Variants in UGT1A10 observed in about 807,000 individuals in gnomAD.
UGT1A10 encodes the protein UDP glucuronosyltransferase family 1 member A10.
UGT1A10 carries 49 observed loss-of-function variants against 45.8 expected under a neutral mutation model. The ratio of observed to expected loss-of-function variants is 1.07; its 90% CI spans 0.85 to 1.36. The LOEUF is 1.36. Among genes scored for constraint, UGT1A10 ranks in the 40% most tolerant of loss-of-function variants. The pLI is 0.00. For missense variants in UGT1A10, 745 were observed against 668.6 expected, an observed-to-expected ratio of 1.11 and a Z score of -1.26; for synonymous variants, 284 against 249.7, an observed-to-expected ratio of 1.14 and a Z score of -1.29.
intron 1 of UGT1A10, among the ~76,000 whole-genome samples, chr2:233,737,380 C>T (rs1472756282): frequency 6.6e-6 from 1 of 152,238 alleles, no homozygotes; most frequent in Non-Finnish European, 1.5e-5. Context: ...GGGAGAGAAT[C>T]TCCTTGTCTG....
intron 1 of UGT1A10, among the ~76,000 whole-genome samples, chr2:233,722,899 G>A (rs1015320069): frequency 7.8e-6 from 1 of 128,092 alleles, no homozygotes; most frequent in Non-Finnish European, 1.7e-5. Flanking sequence ...AGTGGAAGTG[G>A]ATCATCATAA....
chr2:233,639,789 G>A (rs139789935), intron 1 of UGT1A10, among the ~76,000 whole-genome samples: 5 of 152,258 alleles, frequency 3.3e-5, no homozygotes, highest in African/African-American at 1.2e-4. Flanking sequence ...GATTTGGAGG[G>A]GACAAACTTT....
intron 1 of UGT1A10, chr2:233,719,135 T>A (rs1671719594): frequency 2.5e-6 from 4 of 1,614,272 alleles, no homozygotes; most frequent in Non-Finnish European, 3.4e-6. Context: ...AAACAGAACA[T>A]CTTCTGAAGA....
At chr2:233,745,905 G>A (rs1693243700) in intron 1 of UGT1A10, among the ~76,000 whole-genome samples, 1 of 151,554 alleles carries the variant, frequency 6.6e-6, no homozygotes, top group Non-Finnish European at 1.5e-5. Context: ...TTTTCAGGGA[G>A]CAGCTGAGGC....
At position 233,713,984 on chromosome 2, in the gene UGT1A10, G is replaced by T. The variant is rs562772168; in HGVS notation, c.856-53050G>T. 6.3e-4 allele frequency: 992 copies of T among 1,585,892 alleles called. 2 individuals are homozygous for T. Among genetic ancestry groups the T allele is most frequent in the Non-Finnish European group, 8.0e-4 (939 of 1,166,642 alleles). ...GATTTCATTTCTGCTTCTCATTGTT[G>T]TAATAGTCTTCAGTGAGATAAACTT... On this transcript the variant is annotated intron_variant, in intron 1 of 4. Transcript: ENST00000344644.
chr2:233,657,879 A>G (rs2073890400), intron 1 of UGT1A10, among the ~76,000 whole-genome samples: 1 of 152,118 alleles, frequency 6.6e-6, no homozygotes, highest in Non-Finnish European at 1.5e-5. Context: ...AAAGTTATTT[A>G]TATATTCTGG....
At chr2:233,675,149 T>G (rs565544534) in intron 1 of UGT1A10, among the ~76,000 whole-genome samples, 1 of 152,224 alleles carries the variant, frequency 6.6e-6, no homozygotes, top group Non-Finnish European at 1.5e-5. Context: ...TCCAGGGGAA[T>G]TACATCCAGG....
intron 1 of UGT1A10, among the ~76,000 whole-genome samples, chr2:233,748,293 A>G (rs1052851237): frequency 6.6e-6 from 1 of 151,694 alleles, no homozygotes; most frequent in Non-Finnish European, 1.5e-5. Context: ...GCAGACATGA[A>G]TGTTTATCAA....
chr2:233,673,566 G>A (rs2602377), intron 1 of UGT1A10, among the ~76,000 whole-genome samples: 93,596 of 151,962 alleles, frequency 0.62, 29,078 homozygotes, highest in South Asian at 0.65. Flanking sequence ...TTTTGCTATT[G>A]TGTCTTCCTG....
At chr2:233,659,650 C>T (rs2073926851) in intron 1 of UGT1A10, among the ~76,000 whole-genome samples, 2 of 152,096 alleles carry the variant, frequency 1.3e-5, no homozygotes, top group South Asian at 4.2e-4. Flanking sequence ...GCAGGAGAGG[C>T]AGGCGCACTC....
At chr2:233,669,727 G>A (rs539499315) in intron 1 of UGT1A10, among the ~76,000 whole-genome samples, 109 of 152,042 alleles carry the variant, frequency 7.2e-4, no homozygotes, top group Non-Finnish European at 1.4e-3. Flanking sequence ...TGTTTTGCCC[G>A]GGCTGGAGTA....
intron 1 of UGT1A10, among the ~76,000 whole-genome samples, chr2:233,703,404 T>G (rs2075736913): frequency 6.6e-6 from 1 of 152,112 alleles, no homozygotes; most frequent in Non-Finnish European, 1.5e-5. Flanking sequence ...ACAATTTTGG[T>G]TTTGTTTATT....
At chr2:233,755,824 A>G (rs764510455) in intron 1 of UGT1A10, 1 of 152,240 alleles carries the variant, frequency 6.6e-6, no homozygotes, top group Admixed American at 6.5e-5. Context: ...TTAAAAAGAC[A>G]TATTCATTGG....
In UGT1A10 at chr2:233,713,249, G is replaced by T; in HGVS notation, c.856-53785G>T. 6.2e-7 allele frequency: 1 copy of T among 1,614,250 alleles called. No individual in the cohort carries two copies. The highest frequency in any genetic ancestry group is 1.7e-5 in the Admixed American group (1 of 60,032). ...CAACGTATGCCATTTCATGGACCCA[G>T]GACGAATTTGATCGCCTTTTGCTGG... On this transcript the variant is annotated intron_variant, in intron 1 of 4. Coordinates refer to ENST00000344644, the MANE Select transcript of UGT1A10 (RefSeq NM_019075.4).
At chr2:233,681,795 T>C (rs2074539894) in intron 1 of UGT1A10, 2 of 1,471,396 alleles carry the variant, frequency 1.4e-6, no homozygotes, top group East Asian at 2.3e-5. Context: ...GAGTAAATCA[T>C]TGGCAGTGAA....
chr2:233,677,969 C>T (rs1392545805), intron 1 of UGT1A10, among the ~76,000 whole-genome samples: 2 of 152,092 alleles, frequency 1.3e-5, no homozygotes, highest in Admixed American at 6.6e-5. Flanking sequence ...AACACATACT[C>T]CATGGAATAT....
At chr2:233,746,173 T>C (rs1289105015) in intron 1 of UGT1A10, among the ~76,000 whole-genome samples, 1 of 151,822 alleles carries the variant, frequency 6.6e-6, no homozygotes, top group Non-Finnish European at 1.5e-5. Context: ...AAATCTTGCC[T>C]GTAAGGAATA....
intron 1 of UGT1A10, chr2:233,692,130 A>G (rs981265749): frequency 6.6e-6 from 1 of 152,188 alleles, no homozygotes; most frequent in Non-Finnish European, 1.5e-5. Context: ...CATGCCTACT[A>G]TGTATGGAAG....
chr2:233,649,037 G>T, intron 1 of UGT1A10: 6 of 1,154,032 alleles, frequency 5.2e-6, no homozygotes, highest in Non-Finnish European at 7.1e-6. Flanking sequence ...GTAAGTCATT[G>T]CTCCTTTAGC....
Sources: gnomAD v4.1 joint callset for allele counts (sites outside exome capture counted in the v4.1 genomes callset) on GRCh38, gnomAD v4.1.1 for gene constraint, MANE v1.5 for transcripts, NCBI Gene and HGNC (gene_info 2026-07-23, HGNC 2026-07-21) for gene names.